The following SPOCK3 variants were observed in gnomAD, a reference collection of about 807,000 sequenced individuals.
SPOCK3 encodes the protein SPARC (osteonectin), cwcv and kazal like domains proteoglycan 3.
In SPOCK3, 30 loss-of-function variants were observed where a neutral mutation model predicts 56.6. That is an observed-to-expected ratio of 0.53 (90% CI 0.40 to 0.72). The LOEUF (loss-of-function observed/expected upper bound fraction) is 0.72, where lower values mean the gene tolerates loss of function less well. SPOCK3 is among the 30% of genes least tolerant of loss of function. The probability of loss-of-function intolerance (pLI) is 0.00; values close to 1 mark genes in which losing one functional copy is unlikely to be tolerated. For synonymous variants in SPOCK3, 196 were observed against 183.3 expected, an observed-to-expected ratio of 1.07 and a Z score of -0.56; for missense variants, 527 against 530.0, an observed-to-expected ratio of 0.99 and a Z score of 0.06.
At chr4:167,026,025 G>A (rs1034779048) in intron 3 of SPOCK3, among the ~76,000 whole-genome samples, 5 of 152,046 alleles carry the variant, frequency 3.3e-5, no homozygotes, top group African/African-American at 4.8e-5. Context: ...TAGAAAAGGT[G>A]ATTATGTCAC....
intron 2 of SPOCK3, among the ~76,000 whole-genome samples, chr4:167,064,934 C>T (rs1038098956): frequency 4.0e-5 from 6 of 148,512 alleles, no homozygotes; most frequent in Non-Finnish European, 5.9e-5. Flanking sequence ...GGCAACACCA[C>T]GGACAAGCTG....
At chr4:166,921,191 T>C (rs1051441938) in intron 4 of SPOCK3, among the ~76,000 whole-genome samples, 17 of 152,190 alleles carry the variant, frequency 1.1e-4, no homozygotes, top group African/African-American at 4.1e-4. Context: ...CCCAATCACA[T>C]GTCTGATTTT....
At chr4:166,990,184 G>A (rs1375027526) in intron 4 of SPOCK3, among the ~76,000 whole-genome samples, 2 of 152,106 alleles carry the variant, frequency 1.3e-5, no homozygotes, top group East Asian at 1.9e-4. Flanking sequence ...TTGTTCTATG[G>A]CTAGCTGTCT....
chr4:166,740,493 C>CTTATTA (rs71604445), intron 9 of SPOCK3, among the ~76,000 whole-genome samples: 2,009 of 135,340 alleles, frequency 0.015, 28 homozygotes, highest in African/African-American at 0.033. Context: ...TATATAAGAA[C>CTTATTA]TTATTATTAT....
At chr4:166,907,783 C>T (rs559978072) in intron 5 of SPOCK3, among the ~76,000 whole-genome samples, 4 of 152,164 alleles carry the variant, frequency 2.6e-5, no homozygotes, top group African/African-American at 9.6e-5. Flanking sequence ...TGATAAATTT[C>T]ATTCATATTA....
intron 9 of SPOCK3, 28 bp downstream of exon 9, chr4:166,741,969 G>A (rs758514788): frequency 1.3e-6 from 2 of 1,514,950 alleles, no homozygotes; most frequent in South Asian, 1.1e-5. Flanking sequence ...AAGCAATAAA[G>A]CCTTCAGAAG....
At chr4:166,919,348 A>G (rs1169949667) in intron 4 of SPOCK3, among the ~76,000 whole-genome samples, 1 of 152,198 alleles carries the variant, frequency 6.6e-6, no homozygotes, top group Non-Finnish European at 1.5e-5. Context: ...ATTTCTTTGA[A>G]CAGATCCAGT....
intron 4 of SPOCK3, among the ~76,000 whole-genome samples, chr4:166,944,229 T>C (rs1051874318): frequency 6.6e-6 from 1 of 152,278 alleles, no homozygotes; most frequent in African/African-American, 2.4e-5. Flanking sequence ...TCTTTTTTTT[T>C]AACCTCAAAG....
intron 4 of SPOCK3, among the ~76,000 whole-genome samples, chr4:166,913,056 G>A (rs1431761263): frequency 6.6e-6 from 1 of 152,004 alleles, no homozygotes; most frequent in East Asian, 1.9e-4. Context: ...CACTTGCTCA[G>A]CAATAAAGAA....
intron 2 of SPOCK3, among the ~76,000 whole-genome samples, chr4:167,102,922 G>GA (rs55740507): frequency 0.056 from 3,520 of 62,514 alleles, 164 homozygotes; most frequent in African/African-American, 0.12. Flanking sequence ...ATAGCTTGCA[G>GA]AAAAAAAAAA....
At chr4:167,076,068 T>C (rs28594647) in intron 2 of SPOCK3, among the ~76,000 whole-genome samples, 1 of 151,870 alleles carries the variant, frequency 6.6e-6, no homozygotes, top group Non-Finnish European at 1.5e-5. Context: ...GTATACTGTA[T>C]TATTCCAACT....
chr4:166,962,513 T>C (rs2150059010), intron 4 of SPOCK3, among the ~76,000 whole-genome samples: 1 of 152,198 alleles, frequency 6.6e-6, no homozygotes, highest in Middle Eastern at 3.4e-3. Flanking sequence ...GAACCTTCTA[T>C]AGTTAACAAG....
intron 7 of SPOCK3, among the ~76,000 whole-genome samples, chr4:166,766,829 TG>T (rs898130645): frequency 1.3e-5 from 2 of 152,236 alleles, no homozygotes; most frequent in African/African-American, 4.8e-5. Context: ...GGACTTTTTT[TG>T]GTTGGTACGC....
chr4:167,043,862 A>C (rs888366511), intron 3 of SPOCK3, among the ~76,000 whole-genome samples: 5 of 151,890 alleles, frequency 3.3e-5, no homozygotes, highest in African/African-American at 9.7e-5. Flanking sequence ...AGACTTTTGC[A>C]CCCATGTTAT....
intron 4 of SPOCK3, among the ~76,000 whole-genome samples, chr4:166,950,516 G>A (rs1561045891): frequency 6.6e-6 from 1 of 151,822 alleles, no homozygotes; most frequent in Admixed American, 6.6e-5. Context: ...GTCAACATTA[G>A]ACAGATCAAT....
chr4:167,213,378 TTGA>T (rs1479194792), intron 2 of SPOCK3, among the ~76,000 whole-genome samples: 10 of 152,220 alleles, frequency 6.6e-5, no homozygotes, highest in African/African-American at 9.6e-5. Flanking sequence ...TTTCTGCTAT[TTGA>T]TGATATTAAA....
In SPOCK3 at chr4:167,057,201, A is replaced by G. The variant is rs1195955425; in HGVS notation, c.235+5291T>C. 2.6e-5 allele frequency among the ~76,000 whole-genome samples: 4 copies of G among 152,324 alleles called. No homozygotes were observed. In the East Asian group the frequency reaches 7.7e-4, roughly 29 times the overall value. The stretch of plus-strand genomic sequence containing the variant: ...CAGCCAAACTAAGCTTCATAAGTGA[A>G]GGAGAAATAAAATACTTTACAGACA... On this transcript the variant is annotated intron_variant, in intron 3 of 10. Coordinates refer to ENST00000357545, the MANE Select transcript of SPOCK3 (RefSeq NM_001040159.2).
chr4:167,039,654 G>C (rs558184517), intron 3 of SPOCK3, among the ~76,000 whole-genome samples: 1 of 129,254 alleles, frequency 7.7e-6, no homozygotes, highest in Admixed American at 8.5e-5. Flanking sequence ...GTATGCATTG[G>C]CTCCTACCTC....
intron 2 of SPOCK3, among the ~76,000 whole-genome samples, chr4:167,227,910 T>TA (rs1736759714): frequency 6.6e-6 from 1 of 152,058 alleles, no homozygotes; most frequent in African/African-American, 2.4e-5. Context: ...TATATCTAGA[T>TA]AAAAAGTTTA....
Sources: gnomAD v4.1 joint callset for allele counts (sites outside exome capture counted in the v4.1 genomes callset) on GRCh38, gnomAD v4.1.1 for gene constraint, MANE v1.5 for transcripts, NCBI Gene and HGNC (gene_info 2026-07-23, HGNC 2026-07-21) for gene names.